LRP1B: variants seen among roughly 807,000 people sequenced by gnomAD.
LRP1B encodes the protein LDL receptor related protein 1B.
In LRP1B, 217 loss-of-function variants were observed where a neutral mutation model predicts 556.6. The observed-to-expected ratio is 0.39, with a 90% CI of 0.35 to 0.44. The LOEUF is 0.44. Ranked by LOEUF, LRP1B falls within the 20% of genes least tolerant of loss-of-function variation. The pLI is 1.00. For missense variants in LRP1B, 5,053 were observed against 5,620.8 expected (o/e 0.90, Z 3.23); for synonymous variants, 2,047 against 1,865.8 (o/e 1.10, Z -2.50).
chr2:141,318,474 G>A (rs1687110014), intron 3 of LRP1B, among the ~76,000 whole-genome samples: 1 of 152,046 alleles, frequency 6.6e-6, no homozygotes, highest in Non-Finnish European at 1.5e-5. Flanking sequence ...GTGGAGGAGA[G>A]GCTACTAAAA....
intron 21 of LRP1B, among the ~76,000 whole-genome samples, chr2:140,919,805 T>G (rs1694683708): frequency 6.6e-6 from 1 of 152,116 alleles, no homozygotes; most frequent in South Asian, 2.1e-4. Flanking sequence ...AGCAGAAACT[T>G]CAGAGTGTAA....
At chr2:140,876,063 T>C (rs1693294847) in intron 25 of LRP1B, among the ~76,000 whole-genome samples, 1 of 151,834 alleles carries the variant, frequency 6.6e-6, no homozygotes, top group Non-Finnish European at 1.5e-5. Context: ...TCCAGTTTTC[T>C]GATAACTTTG....
chr2:140,520,702 G>A (rs1690126482), intron 49 of LRP1B, among the ~76,000 whole-genome samples: 1 of 148,854 alleles, frequency 6.7e-6, no homozygotes, highest in Non-Finnish European at 1.5e-5. Context: ...AAGACCTGCA[G>A]TGAGCTACAG....
chr2:141,711,995 C>T (rs529931888), intron 2 of LRP1B, among the ~76,000 whole-genome samples: 29 of 151,810 alleles, frequency 1.9e-4, no homozygotes, highest in Admixed American at 1.9e-3. Flanking sequence ...ACTTTGAGAA[C>T]TGTGGGGAAA....
rs1041686830 is a variant in LRP1B, at chr2:140,506,662, T to C, written c.8521+134A>G. The C allele has an allele frequency of 5.0e-6, 4 of 796,016 alleles. No individual in the cohort carries two copies. In the African/African-American group the frequency reaches 5.2e-5, roughly 10 times the overall value. 49.3% of individuals were successfully genotyped at this position (796,016 alleles called of 1,614,324 possible). ...AAATAAGTTATATGTGCTGTGATTG[T>C]GTATTACTGAATTCACTGGGTGTTG... is the stretch of plus-strand genomic sequence containing the variant. On this transcript the variant is annotated intron_variant, in intron 53 of 90. Transcript: ENST00000389484.
intron 56 of LRP1B, among the ~76,000 whole-genome samples, chr2:140,493,389 C>A (rs950656356): frequency 6.6e-6 from 1 of 152,066 alleles, no homozygotes; most frequent in African/African-American, 2.4e-5. Context: ...CCCTCTAAAC[C>A]ACTAGTGTTT....
Position 140,344,060 on chromosome 2 carries a change from T to A in LRP1B, c.11892+6737A>T, listed in dbSNP as rs80258497. 6.5e-3 allele frequency among the ~76,000 whole-genome samples: 994 copies of A among 151,880 alleles called. 8 individuals are homozygous for A. Among genetic ancestry groups the A allele is most frequent in the African/African-American group, 0.021 (870 of 41,514 alleles). Reference sequence around the variant, plus strand: ...TGAAATTGTATATGCTGTGTATATTTGAATATGTAGAGCTTATTTTATGAC... The same window carrying A: ...TGAAATTGTATATGCTGTGTATATTAGAATATGTAGAGCTTATTTTATGAC... On this transcript the variant is annotated intron_variant, in intron 77 of 90. Coordinates refer to ENST00000389484, the MANE Select transcript of LRP1B (RefSeq NM_018557.3).
chr2:141,900,081 T>A (rs1281237558), intron 1 of LRP1B, among the ~76,000 whole-genome samples: 2 of 152,096 alleles, frequency 1.3e-5, no homozygotes, highest in Non-Finnish European at 2.9e-5. Context: ...CCAGATTATT[T>A]TTTGTGACAC....
chr2:141,090,173 C>T (rs548761367), intron 7 of LRP1B, among the ~76,000 whole-genome samples: 96 of 152,250 alleles, frequency 6.3e-4, no homozygotes, highest in African/African-American at 2.1e-3. Context: ...ACGTTTCATC[C>T]TTTTTCAGAA....
chr2:140,501,033 T>C (rs940628178), intron 55 of LRP1B, among the ~76,000 whole-genome samples: 2 of 151,980 alleles, frequency 1.3e-5, no homozygotes, highest in African/African-American at 4.8e-5. Flanking sequence ...AACGTTGCAT[T>C]TCAACATTGT....
intron 1 of LRP1B, among the ~76,000 whole-genome samples, chr2:141,858,388 C>T (rs1698133030): frequency 6.6e-6 from 1 of 152,104 alleles, no homozygotes; most frequent in African/African-American, 2.4e-5. Flanking sequence ...ATCTTTCATT[C>T]GCATCTTCAA....
At chr2:141,053,583 G>A (rs1166952156) in intron 10 of LRP1B, among the ~76,000 whole-genome samples, 1 of 151,930 alleles carries the variant, frequency 6.6e-6, no homozygotes, top group East Asian at 1.9e-4. Context: ...TGGTTTAATG[G>A]TGTTTGGTGG....
chr2:140,244,823 G>T (rs1277511014), intron 87 of LRP1B, among the ~76,000 whole-genome samples: 1 of 151,318 alleles, frequency 6.6e-6, no homozygotes, highest in African/African-American at 2.4e-5. Context: ...TAGAAATGCA[G>T]ATTTGAAAAC....
At chr2:140,737,541 C>G (rs959922645) in intron 35 of LRP1B, among the ~76,000 whole-genome samples, 1 of 152,112 alleles carries the variant, frequency 6.6e-6, no homozygotes, top group African/African-American at 2.4e-5. Context: ...AATGGACATA[C>G]CTGGCATTTG....
intron 22 of LRP1B, among the ~76,000 whole-genome samples, chr2:140,907,183 T>G (rs149773799): frequency 6.6e-6 from 1 of 152,094 alleles, no homozygotes; most frequent in Non-Finnish European, 1.5e-5. Context: ...TCTATTGATG[T>G]CACCTTCAGT....
At chr2:140,440,047 T>G (rs1686358536) in intron 66 of LRP1B, among the ~76,000 whole-genome samples, 1 of 152,154 alleles carries the variant, frequency 6.6e-6, no homozygotes, top group Non-Finnish European at 1.5e-5. Flanking sequence ...ATTATTTAAA[T>G]TAGAATATGT....
chr2:141,371,142 C>G (rs949721663), intron 3 of LRP1B, among the ~76,000 whole-genome samples: 2 of 152,022 alleles, frequency 1.3e-5, no homozygotes, highest in African/African-American at 4.8e-5. Flanking sequence ...CACCACCACG[C>G]CAGGTACATT....
At chr2:141,821,415 T>G (rs1404688228) in intron 1 of LRP1B, among the ~76,000 whole-genome samples, 1 of 152,222 alleles carries the variant, frequency 6.6e-6, no homozygotes, top group African/African-American at 2.4e-5. Context: ...CAACATGATC[T>G]ACTTTTACAT....
chr2:141,724,366 A>G (rs187081738), intron 2 of LRP1B, among the ~76,000 whole-genome samples: 3 of 151,942 alleles, frequency 2.0e-5, no homozygotes, highest in Non-Finnish European at 4.4e-5. Context: ...TGCTGGTAAA[A>G]GAGGGCAAAC....
Sources: allele counts gnomAD v4.1 joint callset (sites outside exome capture counted in the v4.1 genomes callset), GRCh38; gene constraint gnomAD v4.1.1; transcripts MANE v1.5; gene names NCBI Gene and HGNC (gene_info 2026-07-23, HGNC 2026-07-21).